Variants in JAKMIP1 observed in about 807,000 individuals in gnomAD.
JAKMIP1 encodes janus kinase and microtubule interacting protein 1.
JAKMIP1 carries 33 observed loss-of-function variants against 113.0 expected under a neutral mutation model. The observed-to-expected ratio is 0.29, with a 90% CI of 0.22 to 0.39. The LOEUF is 0.39. Among genes scored for constraint, JAKMIP1 ranks in the 10% least tolerant of loss-of-function variants. The probability of loss-of-function intolerance (pLI) is 1.00; values close to 1 mark genes in which losing one functional copy is unlikely to be tolerated. For missense variants in JAKMIP1, 813 were observed against 1,080.5 expected (o/e 0.75, Z 3.47); for synonymous variants, 480 against 459.9 (o/e 1.04, Z -0.56).
intron 3 of JAKMIP1, among the ~76,000 whole-genome samples, chr4:6,098,040 A>C (rs2108856072): frequency 6.6e-6 from 1 of 152,332 alleles, no homozygotes; most frequent in Non-Finnish European, 1.5e-5. Flanking sequence ...GAGTTCGAGA[A>C]CATGGTTCTG....
chr4:6,056,063 G>A (rs1716391747), intron 12 of JAKMIP1, among the ~76,000 whole-genome samples: 1 of 150,602 alleles, frequency 6.6e-6, no homozygotes, highest in Non-Finnish European at 1.5e-5. Context: ...CCAGAGGACA[G>A]GGCTGCCCTC....
rs138418981 is a variant in JAKMIP1, at chr4:6,044,138, G to T, written c.2029-1911C>A. On this transcript the variant is annotated intron_variant, in intron 16 of 20. Coordinates refer to ENST00000409021, the MANE Select transcript of JAKMIP1 (RefSeq NM_001099433.2). This position sits in a 1 kb window ranked among gnomAD's most constrained non-coding sequence, Gnocchi z 4.4. ...TCCGTGGGGTCAGCTAACCTCCATG[G>T]TGCCCATGTCAGTCATCTTGTGAAT... Among the ~76,000 whole-genome samples, 328 of 151,966 alleles carry T rather than the reference G, an allele frequency of 2.2e-3. 2 individuals are homozygous for T. Among genetic ancestry groups the T allele is most frequent in the African/African-American group, 7.5e-3 (312 of 41,418 alleles).
chr4:6,113,075 C>T (rs1715217932), intron 1 of JAKMIP1, 78 bp from the exon 2 acceptor site: 1 of 609,694 alleles, frequency 1.6e-6, no homozygotes, highest in African/African-American at 1.9e-5. Context: ...CACCCTGGGC[C>T]AGGCACCTGC....
intron 7 of JAKMIP1, among the ~76,000 whole-genome samples, chr4:6,079,733 G>A (rs1334814345): frequency 2.0e-5 from 3 of 152,158 alleles, no homozygotes; most frequent in Non-Finnish European, 4.4e-5. Context: ...TTAGCAAGGT[G>A]CTGGTCTGGT....
At chr4:6,090,568 G>C (rs1040269517) in intron 3 of JAKMIP1, among the ~76,000 whole-genome samples, 1 of 152,144 alleles carries the variant, frequency 6.6e-6, no homozygotes, top group Non-Finnish European at 1.5e-5. Flanking sequence ...ACGCAGTATG[G>C]GCTCCAGGAT....
chr4:6,114,628 G>A (rs1414145092), intron 1 of JAKMIP1, among the ~76,000 whole-genome samples: 1 of 152,244 alleles, frequency 6.6e-6, no homozygotes, highest in African/African-American at 2.4e-5. Flanking sequence ...GAACAGGAGA[G>A]AGGGGTGTTT....
chr4:6,085,057 T>C, intron 4 of JAKMIP1, 92 bp from the exon 5 acceptor site: 1 of 1,395,146 alleles, frequency 7.2e-7, no homozygotes, highest in Non-Finnish European at 9.4e-7. Context: ...TCACATGACA[T>C]AATGGGTGAG....
At chr4:6,077,480 T>G (rs952067701) in intron 8 of JAKMIP1, among the ~76,000 whole-genome samples, 6 of 125,658 alleles carry the variant, frequency 4.8e-5, no homozygotes, top group Admixed American at 1.1e-4. Context: ...ACATTTCCTT[T>G]CCTTTTTTTT....
At chr4:6,111,394 G>T (rs932019967) in intron 2 of JAKMIP1, among the ~76,000 whole-genome samples, 1 of 152,176 alleles carries the variant, frequency 6.6e-6, no homozygotes, top group Admixed American at 6.5e-5. Context: ...TCCTCTCTGG[G>T]CTCACAGAAC....
rs1432025889 is a variant in JAKMIP1, at chr4:6,093,965, G to A, written c.625-8336C>T. On this transcript the variant is annotated intron_variant, in intron 3 of 20. Transcript: ENST00000409021. The surrounding 1 kb of genome is among the most constrained non-coding windows in gnomAD (Gnocchi z 4.6). ...CCCTGGCTCGGCTGGGCAGTCCCCAGATGTCCTGCCCTTCACCTCCCAAGC... is the reference window on the plus strand; with the variant it reads ...CCCTGGCTCGGCTGGGCAGTCCCCAAATGTCCTGCCCTTCACCTCCCAAGC... 6.6e-6 allele frequency among the ~76,000 whole-genome samples: 1 copy of A among 151,994 alleles called. No individual in the cohort carries two copies. The highest frequency in any genetic ancestry group is 1.5e-5 in the Non-Finnish European group (1 of 68,020).
chr4:6,137,787 T>G lies in JAKMIP1; in HGVS notation c.-147-24790A>C. Among the ~76,000 whole-genome samples the G allele has an allele frequency of 6.6e-6, 1 of 152,252 alleles. No individual in the cohort carries two copies. The highest frequency in any genetic ancestry group is 2.4e-5 in the African/African-American group (1 of 41,470). On this transcript the variant is annotated intron_variant, in intron 1 of 20. Transcript: ENST00000409021. The surrounding 1 kb of genome is among the most constrained non-coding windows in gnomAD (Gnocchi z 4.5). Reference sequence around the variant, plus strand: ...CACACAGGCCTGACCTGAACACAAGTGAGAGCCAGGTGGGGATAGGACAAG... The same window carrying G: ...CACACAGGCCTGACCTGAACACAAGGGAGAGCCAGGTGGGGATAGGACAAG...
rs1427948506 is a variant in JAKMIP1 at position 6,084,975 on chromosome 4, A to AAC, written c.835-11_835-10insGT. 2 of 1,536,668 alleles carry AAC rather than the reference A, an allele frequency of 1.3e-6. No homozygotes were observed. The highest frequency in any genetic ancestry group is 1.7e-6 in the Non-Finnish European group (2 of 1,148,266). On this transcript the variant is annotated splice_polypyrimidine_tract_variant and intron_variant, in intron 4 of 20. Coordinates refer to ENST00000409021, the MANE Select transcript of JAKMIP1 (RefSeq NM_001099433.2). ...CGTCCATATGTTGATCCTAAAAAAAAAAAAAAAAAAAAAAAAAAAGTCAAG... is the reference window on the plus strand; with the variant it reads ...CGTCCATATGTTGATCCTAAAAAAAAACAAAAAAAAAAAAAAAAAAAGTCAAG...
chr4:6,122,083 G>A (rs1030566953), intron 1 of JAKMIP1, among the ~76,000 whole-genome samples: 6 of 152,290 alleles, frequency 3.9e-5, no homozygotes, highest in African/African-American at 9.6e-5. Context: ...AGTGGCTCAC[G>A]CCTGTAACCT....
intron 1 of JAKMIP1, among the ~76,000 whole-genome samples, chr4:6,149,096 CT>C (rs936849826): frequency 6.6e-6 from 1 of 152,218 alleles, no homozygotes; most frequent in African/African-American, 2.4e-5. Flanking sequence ...TTTGCACTGA[CT>C]TCGGCCACAG....
At chr4:6,075,291 T>C (rs753760331) in intron 8 of JAKMIP1, among the ~76,000 whole-genome samples, 3 of 152,052 alleles carry the variant, frequency 2.0e-5, no homozygotes, top group Admixed American at 2.0e-4. Flanking sequence ...AACCCACAGA[T>C]ACAGAAAGCC....
chr4:6,060,639 G>A, intron 10 of JAKMIP1, 132 bp from the exon 11 acceptor site: 1 of 704,100 alleles, frequency 1.4e-6, no homozygotes, highest in Non-Finnish European at 2.6e-6. Flanking sequence ...TTCACTTTTA[G>A]GAGCACGTAT....
chr4:6,077,921 G>A lies in JAKMIP1; in HGVS notation c.1302+1018C>T, dbSNP rs573568272. On this transcript the variant is annotated intron_variant, in intron 8 of 20. Coordinates refer to ENST00000409021, the MANE Select transcript of JAKMIP1 (RefSeq NM_001099433.2). ...CGGTCCACCTTCTTATAGCAACCAGGATTCAGGGCCCAGTTTGCCACAGTC... is the reference window on the plus strand; with the variant it reads ...CGGTCCACCTTCTTATAGCAACCAGAATTCAGGGCCCAGTTTGCCACAGTC... 2.6e-5 allele frequency among the ~76,000 whole-genome samples: 4 copies of A among 152,246 alleles called. No individual in the cohort carries two copies. In the South Asian group the frequency reaches 6.2e-4, roughly 24 times the overall value.
chr4:6,150,842 C>T lies in JAKMIP1; in HGVS notation c.-147-37845G>A, dbSNP rs563372554. 6.6e-6 allele frequency among the ~76,000 whole-genome samples: 1 copy of T among 152,318 alleles called. No homozygotes were observed. The highest frequency in any genetic ancestry group is 1.9e-4 in the East Asian group (1 of 5,184). On this transcript the variant is annotated intron_variant, in intron 1 of 20. Transcript: ENST00000409021. This position sits in a 1 kb window ranked among gnomAD's most constrained non-coding sequence, Gnocchi z 4.8. ...TTCAAGCTCCTCCACTTGAGCAAGACAGTAATAATGTCTGCCACCGGAAGA... is the reference window on the plus strand; with the variant it reads ...TTCAAGCTCCTCCACTTGAGCAAGATAGTAATAATGTCTGCCACCGGAAGA...
In JAKMIP1 at chr4:6,167,438, C is replaced by T. The variant is rs1295702518; in HGVS notation, c.-148+32815G>A. Among the ~76,000 whole-genome samples, 1 of 152,198 alleles carries T rather than the reference C, an allele frequency of 6.6e-6. No homozygotes were observed. The highest frequency in any genetic ancestry group is 1.9e-4 in the East Asian group (1 of 5,188). ...CTCCACCCTGGGACAGCCACCTTCCCACAAGGCAAATCTGCCTCTAATAGT... is the reference window on the plus strand; with the variant it reads ...CTCCACCCTGGGACAGCCACCTTCCTACAAGGCAAATCTGCCTCTAATAGT... On this transcript the variant is annotated intron_variant, in intron 1 of 20. Transcript: ENST00000409021. This position sits in a 1 kb window ranked among gnomAD's most constrained non-coding sequence, Gnocchi z 5.3.
Sources: gnomAD v4.1 joint callset for allele counts (sites outside exome capture counted in the v4.1 genomes callset) on GRCh38, gnomAD v4.1.1 for gene constraint, Gnocchi (gnomAD v3.1) non-coding constraint, MANE v1.5 for transcripts, NCBI Gene and HGNC (gene_info 2026-07-23, HGNC 2026-07-21) for gene names.